Variants in ADRA1A observed in about 807,000 individuals in gnomAD.
ADRA1A encodes the protein adrenoceptor alpha 1A.
Under a neutral mutation model 29.6 loss-of-function variants are expected in ADRA1A, and 31 were observed. That is an observed-to-expected ratio of 1.05 (90% CI 0.79 to 1.41). The LOEUF is 1.41. ADRA1A is among the 40% of genes most tolerant of loss of function. The probability of loss-of-function intolerance (pLI) is 0.00; values close to 1 mark genes in which losing one functional copy is unlikely to be tolerated. For missense variants in ADRA1A, 619 were observed against 601.1 expected, an observed-to-expected ratio of 1.03 and a Z score of -0.31; for synonymous variants, 311 against 254.3, an observed-to-expected ratio of 1.22 and a Z score of -2.12.
At position 26,865,142 on chromosome 8, in the gene ADRA1A, C is replaced by A; in HGVS notation, c.-173G>T. The A allele has an allele frequency of 4.2e-6, 6 of 1,444,528 alleles. No individual in the cohort carries two copies. Among genetic ancestry groups the A allele is most frequent in the South Asian group, 1.4e-5 (1 of 69,514 alleles). 89.5% of individuals were successfully genotyped at this position (1,444,528 alleles called of 1,614,324 possible). A position where few individuals can be genotyped will look rare whatever the true frequency, so the allele number is the denominator to read the frequency against. ...GCGGGTGGGAAACAACCCTGGCCAG[C>A]CCTGGGAACCCTCAGAAGGCCACAT... On this transcript the variant is annotated 5_prime_UTR_variant, in exon 2 of 3. Coordinates refer to ENST00000380573, the MANE Select transcript of ADRA1A (RefSeq NM_000680.4). The surrounding 1 kb of genome is among the most constrained non-coding windows in gnomAD (Gnocchi z 7.6).
At chr8:26,765,490 C>A (rs927884342), downstream of ADRA1A, among the ~76,000 whole-genome samples, 1 of 152,218 alleles carries the variant, frequency 6.6e-6, no homozygotes, top group East Asian at 1.9e-4. Context: ...GCCCAGCTCC[C>A]CAGCACAGTC....
intron 2 of ADRA1A, among the ~76,000 whole-genome samples, chr8:26,792,087 A>G (rs538617659): frequency 6.6e-6 from 1 of 152,260 alleles, no homozygotes; most frequent in East Asian, 1.9e-4. Context: ...TTGCTGGCTG[A>G]TGAATAAATG....
chr8:26,856,238 C>A (rs76338481), intron 2 of ADRA1A, among the ~76,000 whole-genome samples: 8,080 of 152,264 alleles, frequency 0.053, 243 homozygotes, highest in Non-Finnish European at 0.065. Flanking sequence ...CATTCCAGAA[C>A]GATGTGGCAG....
At position 26,848,103 on chromosome 8, in the gene ADRA1A, G is replaced by A. The variant is rs1447803714; in HGVS notation, c.883+15984C>T. Among the ~76,000 whole-genome samples, 3 of 152,206 alleles carry A rather than the reference G, an allele frequency of 2.0e-5. No homozygotes were observed. The East Asian group carries it at 5.8e-4, about 29-fold the overall frequency. On this transcript the variant is annotated intron_variant, in intron 2 of 2. Coordinates refer to ENST00000380573, the MANE Select transcript of ADRA1A (RefSeq NM_000680.4). This position sits in a 1 kb window ranked among gnomAD's most constrained non-coding sequence, Gnocchi z 4.3. Reference sequence around the variant, plus strand: ...TTCCAGGGCTTTTAACTGTAGACAGGCCCCTTTCCTCTGTTACAGGGAAGG... The same window carrying A: ...TTCCAGGGCTTTTAACTGTAGACAGACCCCTTTCCTCTGTTACAGGGAAGG...
Position 26,864,296 on chromosome 8 carries a change from T to C in ADRA1A, c.674A>G (p.Asp225Gly), listed in dbSNP as rs1813704911. 1 of 1,614,030 alleles carries C rather than the reference T, an allele frequency of 6.2e-7. No homozygotes were observed. ...SRGLKSGLKT[D>G]KSDSEQVTLR... ...CGTCACTTGCTCCGAGTCCGACTTG[T>C]CGGTCTTGAGGCCAGACTTGAGGCC... is the stretch of plus-strand genomic sequence containing the variant. Residue 225 changes from aspartate (D) to glycine (G), a missense_variant, in exon 2 of 3, where the codon GAC becomes GGC. Asp to Gly is a moderately conservative substitution (Grantham distance 94). Coordinates refer to ENST00000380573, the MANE Select transcript of ADRA1A (RefSeq NM_000680.4). The surrounding 1 kb of genome is among the most constrained non-coding windows in gnomAD (Gnocchi z 8.1).
chr8:26,781,276 G>T (rs1192904860), intron 2 of ADRA1A, among the ~76,000 whole-genome samples: 1 of 152,200 alleles, frequency 6.6e-6, no homozygotes, highest in East Asian at 1.9e-4. Context: ...ATGGTGTACA[G>T]CATTTAGTAG....
intron 2 of ADRA1A, among the ~76,000 whole-genome samples, chr8:26,835,357 T>A (rs1215734355): frequency 6.6e-6 from 1 of 152,234 alleles, no homozygotes; most frequent in Non-Finnish European, 1.5e-5. Flanking sequence ...TGTATTAGTC[T>A]GTTCTCAAAC....
intron 2 of ADRA1A, among the ~76,000 whole-genome samples, chr8:26,816,014 C>A (rs1161782433): frequency 2.0e-5 from 3 of 152,078 alleles, no homozygotes; most frequent in Non-Finnish European, 4.4e-5. Context: ...GCAGCTGTAC[C>A]CATTTGGTCA....
chr8:26,833,876 A>G (rs987838690), intron 2 of ADRA1A, among the ~76,000 whole-genome samples: 2 of 152,242 alleles, frequency 1.3e-5, no homozygotes, highest in African/African-American at 4.8e-5. Context: ...ATCTTCATGT[A>G]TTTAGCATTG....
chr8:26,797,550 T>C (rs1055489965), intron 2 of ADRA1A, among the ~76,000 whole-genome samples: 9 of 152,046 alleles, frequency 5.9e-5, no homozygotes, highest in African/African-American at 2.2e-4. Flanking sequence ...CCTCCAGCGT[T>C]GGCGTCCCAA....
At chr8:26,754,487 T>C (rs1805064031), downstream of ADRA1A, among the ~76,000 whole-genome samples, 1 of 152,094 alleles carries the variant, frequency 6.6e-6, no homozygotes, top group Non-Finnish European at 1.5e-5. Context: ...TTACATGGAA[T>C]CTTATTTGTC....
rs1810977178 is a variant in ADRA1A at position 26,831,542 on chromosome 8, C to A, written c.883+32545G>T. Among the ~76,000 whole-genome samples the A allele has an allele frequency of 6.6e-6, 1 of 152,162 alleles. No homozygotes were observed. Among genetic ancestry groups the A allele is most frequent in the Non-Finnish European group, 1.5e-5 (1 of 68,018 alleles). ...AAGGGTGTAGAGGTCACGGAAGTGT[C>A]AGGTCACACCCAATGTCCTAGACAC... On this transcript the variant is annotated intron_variant, in intron 2 of 2. Transcript: ENST00000380573. The surrounding 1 kb of genome is among the most constrained non-coding windows in gnomAD (Gnocchi z 5.2).
At chr8:26,822,551 G>C (rs72609966) in intron 2 of ADRA1A, among the ~76,000 whole-genome samples, 8,381 of 152,168 alleles carry the variant, frequency 0.055, 604 homozygotes, top group African/African-American at 0.16. Context: ...TCCTCACAAG[G>C]TTGATGCAGA....
chr8:26,798,371 C>CT (rs1270733705), intron 2 of ADRA1A, among the ~76,000 whole-genome samples: 1 of 152,040 alleles, frequency 6.6e-6, no homozygotes, highest in African/African-American at 2.4e-5. Flanking sequence ...AAAAGCATGG[C>CT]TTTTTTAACC....
chr8:26,863,963 C>T (rs1813664825), intron 2 of ADRA1A, 124 bp downstream of exon 2: 6 of 1,014,834 alleles, frequency 5.9e-6, no homozygotes, highest in Non-Finnish European at 8.5e-6. Context: ...TCTAATTGCC[C>T]TAGAGCTGTG....
chr8:26,855,748 TA>T (rs1363779350), intron 2 of ADRA1A, among the ~76,000 whole-genome samples: 14 of 151,306 alleles, frequency 9.3e-5, no homozygotes, highest in Non-Finnish European at 1.8e-4. Flanking sequence ...AAGAAAAAAA[TA>T]AGAAAAGAAA....
chr8:26,792,989 A>G (rs1807941654), intron 2 of ADRA1A, among the ~76,000 whole-genome samples: 1 of 152,006 alleles, frequency 6.6e-6, no homozygotes, highest in Admixed American at 6.6e-5. Flanking sequence ...GACACAAAAG[A>G]CATGGTTACA....
chr8:26,851,691 T>C (rs990263258), intron 2 of ADRA1A, among the ~76,000 whole-genome samples: 1 of 152,156 alleles, frequency 6.6e-6, no homozygotes, highest in African/African-American at 2.4e-5. Flanking sequence ...AAAAAGTCTA[T>C]CTTTAAATGA....
At chr8:26,836,340 G>A (rs1811360078) in intron 2 of ADRA1A, 1 of 154,908 alleles carries the variant, frequency 6.5e-6, no homozygotes, top group Non-Finnish European at 1.4e-5. Flanking sequence ...ATCTGTTTAT[G>A]TCTCAGTTAA....
Sources: gnomAD v4.1 joint callset for allele counts (sites outside exome capture counted in the v4.1 genomes callset) on GRCh38, gnomAD v4.1.1 for gene constraint, Gnocchi (gnomAD v3.1) non-coding constraint, MANE v1.5 for transcripts, NCBI Gene and HGNC (gene_info 2026-07-23, HGNC 2026-07-21) for gene names.